EPN2: variants seen among roughly 807,000 people sequenced by gnomAD.
EPN2 encodes the protein epsin 2.
A neutral mutation model predicts 61.7 loss-of-function variants in EPN2; 34 were observed. The ratio of observed to expected loss-of-function variants is 0.55; its 90% CI spans 0.42 to 0.73. The LOEUF (loss-of-function observed/expected upper bound fraction) is 0.73, where lower values mean the gene tolerates loss of function less well. EPN2 is among the 30% of genes least tolerant of loss of function. The pLI is 0.00. For missense variants in EPN2, 714 were observed against 839.2 expected (o/e 0.85, Z 1.84); for synonymous variants, 349 against 353.6 (o/e 0.99, Z 0.15).
intron 4 of EPN2, among the ~76,000 whole-genome samples, chr17:19,305,670 G>A (rs1036681239): frequency 6.6e-6 from 1 of 152,156 alleles, no homozygotes; most frequent in African/African-American, 2.4e-5. Flanking sequence ...TTCACCCTTT[G>A]TTTTAGGAGC....
chr17:19,297,104 C>T (rs948512533), intron 4 of EPN2: 2 of 152,212 alleles, frequency 1.3e-5, no homozygotes, highest in Admixed American at 6.5e-5. Context: ...TCATCCTTGC[C>T]CTGACGTTGG....
In EPN2 at chr17:19,292,329, G is replaced by A. The variant is rs1228399768; in HGVS notation, c.766+6539G>A. Among the ~76,000 whole-genome samples, 3 of 152,248 alleles carry A rather than the reference G, an allele frequency of 2.0e-5. No individual in the cohort carries two copies. The East Asian group carries it at 5.8e-4, about 29-fold the overall frequency. Reference sequence around the variant, plus strand: ...TCAGGCCAGGGATAGCTACCTGTGGGGAGTGTGTCTAGCCCTCAGGGCCCT... The same window carrying A: ...TCAGGCCAGGGATAGCTACCTGTGGAGAGTGTGTCTAGCCCTCAGGGCCCT... On this transcript the variant is annotated intron_variant, in intron 4 of 10. Transcript: ENST00000314728.
intron 4 of EPN2, among the ~76,000 whole-genome samples, chr17:19,300,089 C>T (rs547707987): frequency 5.8e-4 from 89 of 152,340 alleles, no homozygotes; most frequent in African/African-American, 2.0e-3. Flanking sequence ...TAGGTGCCAC[C>T]TAGCTGCCCC....
At chr17:19,268,166 T>G (rs1157599558) in intron 1 of EPN2, among the ~76,000 whole-genome samples, 1 of 152,180 alleles carries the variant, frequency 6.6e-6, no homozygotes, top group Non-Finnish European at 1.5e-5. Flanking sequence ...GTGCCCTTGA[T>G]GGCCCCAAGT....
intron 1 of EPN2, among the ~76,000 whole-genome samples, chr17:19,261,082 T>G (rs549315889): frequency 6.6e-6 from 1 of 152,238 alleles, no homozygotes; most frequent in South Asian, 2.1e-4. Context: ...GCACATCGTT[T>G]CCCACATTGC....
intron 7 of EPN2, among the ~76,000 whole-genome samples, chr17:19,327,382 A>G (rs545559479): frequency 2.6e-5 from 4 of 152,254 alleles, no homozygotes; most frequent in African/African-American, 9.6e-5. Flanking sequence ...TAAAGTTCGG[A>G]AAATAGGGAC....
chr17:19,273,524 T>TA (rs570108375), intron 1 of EPN2, among the ~76,000 whole-genome samples: 34 of 149,524 alleles, frequency 2.3e-4, no homozygotes, highest in South Asian at 4.2e-4. Flanking sequence ...AATTTTTTAT[T>TA]AAAAAAAAAA....
rs180775631 is a variant in EPN2, at chr17:19,332,108, C to T, written c.1627+40C>T. The stretch of plus-strand genomic sequence containing the variant: ...CAGGCTTCATCCATTGCCTGCTGTG[C>T]CTGGGAATGGGTGTGCAGCAGGCCT... On this transcript the variant is annotated intron_variant, in intron 10 of 10. Coordinates refer to ENST00000314728, the MANE Select transcript of EPN2 (RefSeq NM_014964.5). The T allele has an allele frequency of 1.7e-3, 2,575 of 1,492,146 alleles. 3 individuals are homozygous for T. The highest frequency in any genetic ancestry group is 2.2e-3 in the Non-Finnish European group (2,348 of 1,081,434). 92.4% of individuals were successfully genotyped at this position (1,492,146 alleles called of 1,614,324 possible). A position where few individuals can be genotyped will look rare whatever the true frequency, so the allele number is the denominator to read the frequency against.
chr17:19,275,874 A>T (rs1396721298), intron 1 of EPN2, among the ~76,000 whole-genome samples: 2 of 152,156 alleles, frequency 1.3e-5, no homozygotes, highest in Admixed American at 6.6e-5. Context: ...TTTTACGTGG[A>T]GGCTCTGGAG....
intron 1 of EPN2, among the ~76,000 whole-genome samples, chr17:19,246,987 G>A (rs1007590446): frequency 2.6e-5 from 4 of 151,978 alleles, no homozygotes; most frequent in African/African-American, 9.7e-5. Context: ...AGCCAGGATG[G>A]TCTTGATCTC....
chr17:19,331,854 C>T lies in EPN2; in HGVS notation c.1413C>T (p.Ala471=), dbSNP rs200937385. 99 of 1,613,686 alleles carry T rather than the reference C, an allele frequency of 6.1e-5. No homozygotes were observed. Among genetic ancestry groups the T allele is most frequent in the Non-Finnish European group, 7.5e-5 (88 of 1,179,696 alleles). Residue 471 remains alanine, a splice_region_variant and synonymous_variant, in exon 10 of 11, where the codon GCC becomes GCT. Transcript: ENST00000314728. ...GCCATATGTGTCCTTGTCTTGTAGC[C>T]GAATCTGTGACCTCTCTGCCATCCC... ...FDNLRTSKKT[A]ESVTSLPSQN... is the part of the protein sequence containing the mutation.
chr17:19,250,821 C>T (rs149590475), intron 1 of EPN2, among the ~76,000 whole-genome samples: 319 of 152,212 alleles, frequency 2.1e-3, no homozygotes, highest in African/African-American at 7.1e-3. Flanking sequence ...CCTTTCTGTT[C>T]ATACCCTGCT....
In EPN2 at chr17:19,264,322, C is replaced by T. The variant is rs536654248; in HGVS notation, c.-293-17633C>T. Among the ~76,000 whole-genome samples the T allele has an allele frequency of 2.6e-5, 4 of 152,244 alleles. No homozygotes were observed. In the East Asian group the frequency reaches 7.7e-4, roughly 29 times the overall value. Reference sequence around the variant, plus strand: ...TAGTGCGAAGTAAACTAAAAAATTCCCCTCCTGTTGGGATGTCAGCTTGCT... The same window carrying T: ...TAGTGCGAAGTAAACTAAAAAATTCTCCTCCTGTTGGGATGTCAGCTTGCT... On this transcript the variant is annotated intron_variant, in intron 1 of 10. Transcript: ENST00000314728.
intron 1 of EPN2, among the ~76,000 whole-genome samples, chr17:19,261,210 C>T (rs1297611190): frequency 6.6e-6 from 1 of 152,206 alleles, no homozygotes; most frequent in African/African-American, 2.4e-5. Flanking sequence ...ATGTTGCACT[C>T]CCACTGGCGG....
At chr17:19,268,449 C>T (rs920391118) in intron 1 of EPN2, among the ~76,000 whole-genome samples, 1 of 152,170 alleles carries the variant, frequency 6.6e-6, no homozygotes, top group Non-Finnish European at 1.5e-5. Context: ...CCTCAAACTC[C>T]TGGGCTCAGG....
chr17:19,291,899 G>A (rs1445279027), intron 4 of EPN2, among the ~76,000 whole-genome samples: 1 of 152,180 alleles, frequency 6.6e-6, no homozygotes, highest in Non-Finnish European at 1.5e-5. Flanking sequence ...AACCAGAGTT[G>A]TCATGGCCTC....
intron 4 of EPN2, among the ~76,000 whole-genome samples, chr17:19,303,516 C>G (rs889643097): frequency 6.6e-6 from 1 of 152,202 alleles, no homozygotes; most frequent in Non-Finnish European, 1.5e-5. Context: ...GGCCCTCACC[C>G]TGAGCTTCCT....
intron 1 of EPN2, among the ~76,000 whole-genome samples, chr17:19,245,565 T>C (rs939756654): frequency 2.0e-5 from 3 of 151,820 alleles, no homozygotes; most frequent in Non-Finnish European, 4.4e-5. Flanking sequence ...GCCTCCCGAG[T>C]AGCTGGGACT....
At chr17:19,303,087 C>A (rs1194547866) in intron 4 of EPN2, among the ~76,000 whole-genome samples, 1 of 152,224 alleles carries the variant, frequency 6.6e-6, no homozygotes, top group African/African-American at 2.4e-5. Flanking sequence ...ACAGCTGTTT[C>A]CTCTGGGGAG....
Sources: gnomAD v4.1 joint callset for allele counts (sites outside exome capture counted in the v4.1 genomes callset) on GRCh38, gnomAD v4.1.1 for gene constraint, MANE v1.5 for transcripts, NCBI Gene and HGNC (gene_info 2026-07-23, HGNC 2026-07-21) for gene names.